Variants in CEP162 observed in about 807,000 individuals in gnomAD.
CEP162 encodes centrosomal protein 162, also known as centrosomal protein of 162 kDa.
A neutral mutation model predicts 169.2 loss-of-function variants in CEP162; 141 were observed. The observed-to-expected ratio is 0.83, with a 90% CI of 0.73 to 0.96. CEP162 has a LOEUF of 0.96. CEP162 is among the 40% of genes least tolerant of loss of function. CEP162 has a pLI of 0.00. For synonymous variants in CEP162, 540 were observed against 526.4 expected (o/e 1.03, Z -0.35); for missense variants, 1,600 against 1,587.2 (o/e 1.01, Z -0.14).
chr6:84,160,879 A>G lies in CEP162; in HGVS notation c.2714T>C (p.Ile905Thr). The G allele has an allele frequency of 6.2e-7, 1 of 1,612,996 alleles. No individual in the cohort carries two copies. ...KLKAESGNPS[I>T]RQKIRLKDKA... ...ATCTTTTAAGCGTATCTTCTGCCGA[A>G]TAGATGGATTCCCAGATTCAGCTTT... is the stretch of plus-strand genomic sequence containing the variant. Residue 905 changes from isoleucine to threonine, a missense_variant, in exon 21 of 27, where the codon ATT becomes ACT. Physicochemically the swap from Ile to Thr is moderately conservative, Grantham distance 89. Coordinates refer to ENST00000403245, the MANE Select transcript of CEP162 (RefSeq NM_014895.4).
At chr6:84,148,770 T>G (rs1562013058) in intron 24 of CEP162, among the ~76,000 whole-genome samples, 1 of 152,128 alleles carries the variant, frequency 6.6e-6, no homozygotes, top group African/African-American at 2.4e-5. Flanking sequence ...ACAGACAAGA[T>G]GAACACAATA....
intron 3 of CEP162, 43 bp downstream of exon 3, chr6:84,221,014 C>T: frequency 9.5e-7 from 1 of 1,048,642 alleles, no homozygotes; most frequent in East Asian, 2.4e-5. Flanking sequence ...TGACTGACCC[C>T]TTGTGGTCAA....
intron 9 of CEP162, among the ~76,000 whole-genome samples, chr6:84,197,825 C>CAAAA (rs564556727): frequency 4.2e-4 from 27 of 64,182 alleles, no homozygotes; most frequent in African/African-American, 1.1e-3. Flanking sequence ...TCAAACAAAA[C>CAAAA]AAAAAAAAAA....
At chr6:84,225,842 G>A (rs1473951887) in intron 2 of CEP162, among the ~76,000 whole-genome samples, 4 of 152,134 alleles carry the variant, frequency 2.6e-5, no homozygotes, top group African/African-American at 4.8e-5. Flanking sequence ...TCACCAGCCA[G>A]GTAAAGAGTA....
rs186948899 is a variant in CEP162 at position 84,182,586 on chromosome 6, G to A, written c.1663+2601C>T. ...TTCAACTTACGGCCACAAGATCAAA[G>A]GTCATTAAGATGGATGCAAAAACTT... On this transcript the variant is annotated intron_variant, in intron 13 of 26. Coordinates refer to ENST00000403245, the MANE Select transcript of CEP162 (RefSeq NM_014895.4). 3.0e-3 allele frequency among the ~76,000 whole-genome samples: 459 copies of A among 152,190 alleles called. 2 individuals carry two copies. The highest frequency in any genetic ancestry group is 4.7e-3 in the Non-Finnish European group (322 of 67,992).
chr6:84,169,722 C>T (rs1202542744), intron 17 of CEP162, among the ~76,000 whole-genome samples: 2 of 152,002 alleles, frequency 1.3e-5, no homozygotes, highest in Non-Finnish European at 2.9e-5. Flanking sequence ...AAAAATTAAT[C>T]GTCTACAAAG....
intron 24 of CEP162, among the ~76,000 whole-genome samples, chr6:84,147,592 T>C: frequency 6.6e-6 from 1 of 152,094 alleles, no homozygotes; most frequent in East Asian, 1.9e-4. Context: ...AACACTCACA[T>C]GTATCCTATA....
At chr6:84,189,021 GTCT>G (rs1196005639) in intron 11 of CEP162, among the ~76,000 whole-genome samples, 3 of 151,436 alleles carry the variant, frequency 2.0e-5, no homozygotes, top group African/African-American at 7.3e-5. Context: ...TTGGCTGCAC[GTCT>G]TCTTTTGAAA....
At position 84,185,257 on chromosome 6, in the gene CEP162, T is replaced by A. The variant is rs141520756; in HGVS notation, c.1593A>T (p.Lys531Asn). 6.2e-7 allele frequency: 1 copy of A among 1,613,542 alleles called. No homozygotes were observed. The highest frequency in any genetic ancestry group is 8.5e-7 in the Non-Finnish European group (1 of 1,179,630). Residue 531 changes from lysine (K) to asparagine (N), a missense_variant, in exon 13 of 27, where the codon AAA becomes AAT. Coordinates refer to ENST00000403245, the MANE Select transcript of CEP162 (RefSeq NM_014895.4). ...PLKMFSTLEK[K>N]TSEDIIKSKN... The stretch of plus-strand genomic sequence containing the variant: ...TGCTTTTTATAATGTCCTCTGAAGT[T>A]TTCTTTTCAAGAGTAGAAAACATCT...
At chr6:84,154,558 A>G (rs1344254345) in intron 22 of CEP162, among the ~76,000 whole-genome samples, 1 of 152,140 alleles carries the variant, frequency 6.6e-6, no homozygotes, top group African/African-American at 2.4e-5. Context: ...AATATGTGGG[A>G]AATGAAATGA....
rs1343527221 is a variant in CEP162 at position 84,129,510 on chromosome 6, T to A, written c.3871-2998A>T. On this transcript the variant is annotated intron_variant, in intron 25 of 26. Coordinates refer to ENST00000403245, the MANE Select transcript of CEP162 (RefSeq NM_014895.4). ...TTTTGAAAAGTGTCTGTCCATATCC[T>A]TTGCCCACTTTTTGATGGGGATGTT... 2.0e-5 allele frequency among the ~76,000 whole-genome samples: 3 copies of A among 152,334 alleles called. No homozygotes were observed. The East Asian group carries it at 5.8e-4, about 29-fold the overall frequency.
At chr6:84,142,323 A>G (rs1027228686) in intron 25 of CEP162, among the ~76,000 whole-genome samples, 1 of 152,190 alleles carries the variant, frequency 6.6e-6, no homozygotes, top group Non-Finnish European at 1.5e-5. Flanking sequence ...GTTTTATATT[A>G]TTGTGCCTGT....
chr6:84,181,986 T>C (rs974393476), intron 13 of CEP162, among the ~76,000 whole-genome samples: 1 of 152,116 alleles, frequency 6.6e-6, no homozygotes, highest in South Asian at 2.1e-4. Flanking sequence ...TTTTTCATAA[T>C]CTTTTCCTTG....
chr6:84,171,406 GA>G (rs1234823755), intron 17 of CEP162, among the ~76,000 whole-genome samples, 199 bp downstream of exon 17: 7 of 151,990 alleles, frequency 4.6e-5, no homozygotes, highest in African/African-American at 1.7e-4. Flanking sequence ...TGAATATGCT[GA>G]AAATACTATC....
chr6:84,174,293 A>C (rs1193271027), intron 15 of CEP162, 105 bp from the exon 16 acceptor site: 2 of 889,872 alleles, frequency 2.2e-6, no homozygotes, highest in Admixed American at 5.7e-5. Context: ...ACTGTCTTAT[A>C]ATATTGAACA....
intron 6 of CEP162, among the ~76,000 whole-genome samples, chr6:84,206,339 G>C (rs145935619): frequency 0.14 from 21,373 of 149,218 alleles, 3,426 homozygotes; most frequent in African/African-American, 0.39. Context: ...GCTACAGTAA[G>C]CAGAACAGCA....
chr6:84,126,386 G>A lies in CEP162; in HGVS notation c.3997C>T (p.Leu1333Phe). 1 of 1,589,630 alleles carries A rather than the reference G, an allele frequency of 6.3e-7. No individual in the cohort carries two copies. Among genetic ancestry groups the A allele is most frequent in the Non-Finnish European group, 8.5e-7 (1 of 1,170,356 alleles). Residue 1333 changes from leucine (L) to phenylalanine (F), a missense_variant, in exon 26 of 27, where the codon CTT becomes TTT. Coordinates refer to ENST00000403245, the MANE Select transcript of CEP162 (RefSeq NM_014895.4). ...EMRHAQREQELQQIIQQTHQV... is the reference protein window; with the variant it reads ...EMRHAQREQEFQQIIQQTHQV... The stretch of plus-strand genomic sequence containing the variant: ...AATGTGATTTACTTTACCTGTTGAA[G>A]TTCCTGTTCTCTTTGTGCATGTCTC...
intron 21 of CEP162, among the ~76,000 whole-genome samples, chr6:84,156,149 A>G (rs1224713200): frequency 1.3e-5 from 2 of 152,166 alleles, no homozygotes; most frequent in Admixed American, 6.5e-5. Context: ...TATTCAATAA[A>G]TGGTGCTGGG....
intron 2 of CEP162, among the ~76,000 whole-genome samples, chr6:84,221,690 C>T (rs1361321526): frequency 6.6e-6 from 1 of 152,048 alleles, no homozygotes; most frequent in East Asian, 1.9e-4. Context: ...TTACTACAAT[C>T]CTAAATCCCA....
Sources: gnomAD v4.1 joint callset for allele counts (sites outside exome capture counted in the v4.1 genomes callset) on GRCh38, gnomAD v4.1.1 for gene constraint, MANE v1.5 for transcripts, NCBI Gene and HGNC (gene_info 2026-07-23, HGNC 2026-07-21) for gene names.